KALRN: variants seen among roughly 807,000 people sequenced by gnomAD.
KALRN encodes kalirin.
KALRN carries 70 observed loss-of-function variants against 353.7 expected under a neutral mutation model. That is an observed-to-expected ratio of 0.20 (90% confidence interval 0.16 to 0.24). The LOEUF (loss-of-function observed/expected upper bound fraction) is 0.24. Ranked by LOEUF, KALRN falls within the 10% of genes least tolerant of loss-of-function variation. The pLI is 1.00. For missense variants in KALRN, 2,791 were observed against 3,756.7 expected (o/e 0.74, Z 6.72); for synonymous variants, 1,391 against 1,434.8 (o/e 0.97, Z 0.69).
chr3:124,163,808 C>T lies in KALRN; in HGVS notation c.74-64182C>T, dbSNP rs75838785. Reference sequence around the variant, plus strand: ...CCAAACTTCCCTGTATGTCATCTTGCTCCTGGGCCACCTGACTGATGTTTA... The same window carrying T: ...CCAAACTTCCCTGTATGTCATCTTGTTCCTGGGCCACCTGACTGATGTTTA... On this transcript the variant is annotated intron_variant, in intron 1 of 59. Coordinates refer to ENST00000682506, the MANE Select transcript of KALRN (RefSeq NM_001388419.1). The T allele has an allele frequency of 3.9e-4, 383 of 985,492 alleles. 2 individuals are homozygous for T. In the South Asian group the frequency reaches 0.012, roughly 32 times the overall value. The allele number at this position is 985,492 out of a possible 1,614,324, so 61.0% of individuals were successfully genotyped here. A position where few individuals can be genotyped will look rare whatever the true frequency, so the allele number is the denominator to read the frequency against.
chr3:124,565,442 G>A (rs1268870514), intron 34 of KALRN, among the ~76,000 whole-genome samples: 3 of 152,306 alleles, frequency 2.0e-5, no homozygotes, highest in East Asian at 3.9e-4. Flanking sequence ...TGAGGTAATG[G>A]AGACAAAACA....
intron 33 of KALRN, among the ~76,000 whole-genome samples, chr3:124,522,587 A>G (rs1327854740): frequency 6.6e-6 from 1 of 152,186 alleles, no homozygotes; most frequent in Non-Finnish European, 1.5e-5. Flanking sequence ...TTGAGTGTAC[A>G]TCAGAATTGC....
At chr3:124,152,758 T>G (rs1476382994) in intron 1 of KALRN, among the ~76,000 whole-genome samples, 1 of 151,806 alleles carries the variant, frequency 6.6e-6, no homozygotes, top group Non-Finnish European at 1.5e-5. Flanking sequence ...TGTGGCTGGC[T>G]AATTTTTGTA....
intron 1 of KALRN, among the ~76,000 whole-genome samples, chr3:124,194,433 G>C (rs897396871): frequency 6.6e-6 from 1 of 151,916 alleles, no homozygotes; most frequent in Non-Finnish European, 1.5e-5. Context: ...GACAAGTTAC[G>C]AGCCTCCCGA....
rs77091366 is a variant in KALRN, at chr3:124,257,716, C to A, written c.264-6782C>A. Among the ~76,000 whole-genome samples the A allele has an allele frequency of 2.0e-5, 3 of 152,274 alleles. No homozygotes were observed. In the East Asian group the frequency reaches 5.8e-4, roughly 29 times the overall value. ...ATGGGAAACTATAGGGCAGGGTGAGCACAGGGGAGACAGGGCAGTGGCTGC... is the reference window on the plus strand; with the variant it reads ...ATGGGAAACTATAGGGCAGGGTGAGAACAGGGGAGACAGGGCAGTGGCTGC... On this transcript the variant is annotated intron_variant, in intron 3 of 59. Transcript: ENST00000682506.
chr3:124,106,231 T>C (rs892636768), intron 1 of KALRN, among the ~76,000 whole-genome samples: 2 of 151,958 alleles, frequency 1.3e-5, no homozygotes, highest in Admixed American at 6.6e-5. Context: ...GCTTAGAAAA[T>C]GATTTTTAAG....
chr3:124,264,012 C>G (rs1404923104), intron 3 of KALRN, among the ~76,000 whole-genome samples: 1 of 151,602 alleles, frequency 6.6e-6, no homozygotes, highest in Non-Finnish European at 1.5e-5. Context: ...GGTTGGGTAG[C>G]TCCTATCCAA....
chr3:124,368,814 C>G (rs1224512683), intron 10 of KALRN, among the ~76,000 whole-genome samples: 2 of 152,150 alleles, frequency 1.3e-5, no homozygotes, highest in Non-Finnish European at 2.9e-5. Flanking sequence ...AATCCCGGCA[C>G]CTCGGGAGGC....
chr3:124,342,705 T>C (rs1056766469), intron 9 of KALRN, among the ~76,000 whole-genome samples: 1 of 152,338 alleles, frequency 6.6e-6, no homozygotes, highest in Non-Finnish European at 1.5e-5. Flanking sequence ...GGCACATCTT[T>C]CCCAGAATCT....
chr3:124,481,605 G>C (rs1351410515), intron 27 of KALRN, among the ~76,000 whole-genome samples: 1 of 152,146 alleles, frequency 6.6e-6, no homozygotes, highest in Non-Finnish European at 1.5e-5. Context: ...ACCCAACCTT[G>C]CATATCTAAC....
intron 1 of KALRN, among the ~76,000 whole-genome samples, chr3:124,123,980 A>T (rs1578316033): frequency 6.6e-6 from 1 of 152,252 alleles, no homozygotes. Flanking sequence ...TGTTGCTTTC[A>T]TGCCTGCTAA....
chr3:124,456,290 T>G (rs544223917), intron 22 of KALRN, among the ~76,000 whole-genome samples: 1 of 152,344 alleles, frequency 6.6e-6, no homozygotes, highest in African/African-American at 2.4e-5. Context: ...CTTAGACTAA[T>G]TTACGGGTGT....
chr3:124,615,542 G>A (rs1044316059), intron 34 of KALRN, among the ~76,000 whole-genome samples: 1 of 152,190 alleles, frequency 6.6e-6, no homozygotes, highest in Non-Finnish European at 1.5e-5. Context: ...AGAGAAAGAT[G>A]AAAAAGCTAA....
At chr3:124,050,306 A>G (rs2040906063) in intron 1 of KALRN, among the ~76,000 whole-genome samples, 1 of 152,226 alleles carries the variant, frequency 6.6e-6, no homozygotes, top group Non-Finnish European at 1.5e-5. Context: ...TCACTGAATG[A>G]GTACCATCAG....
At chr3:124,103,604 T>C (rs1460320128) in intron 1 of KALRN, among the ~76,000 whole-genome samples, 1 of 151,962 alleles carries the variant, frequency 6.6e-6, no homozygotes, top group Non-Finnish European at 1.5e-5. Flanking sequence ...GTGATTAGGG[T>C]TAGGTGTAAG....
At chr3:124,230,872 C>CAA (rs35463459) in intron 2 of KALRN, among the ~76,000 whole-genome samples, 187 of 129,026 alleles carry the variant, frequency 1.4e-3, no homozygotes, top group Middle Eastern at 4.2e-3. Flanking sequence ...AAAAAAAAAA[C>CAA]AAAAAAAAAA....
chr3:124,292,555 G>T (rs974462029), intron 5 of KALRN, among the ~76,000 whole-genome samples: 1 of 152,096 alleles, frequency 6.6e-6, no homozygotes, highest in Non-Finnish European at 1.5e-5. Flanking sequence ...CCCTGAGAGG[G>T]TGTCTGGGTC....
chr3:124,626,309 A>G (rs917516457), intron 34 of KALRN, among the ~76,000 whole-genome samples: 1 of 152,218 alleles, frequency 6.6e-6, no homozygotes, highest in African/African-American at 2.4e-5. Context: ...GATGAGGGCA[A>G]TTAGAGAGTA....
chr3:124,637,443 C>A, intron 37 of KALRN, 140 bp downstream of exon 37: 1 of 692,718 alleles, frequency 1.4e-6, no homozygotes. Flanking sequence ...TTCTAAAAAG[C>A]TGTACCCCAG....
Sources: allele counts gnomAD v4.1 joint callset (sites outside exome capture counted in the v4.1 genomes callset), GRCh38; gene constraint gnomAD v4.1.1; transcripts MANE v1.5; gene names NCBI Gene and HGNC (gene_info 2026-07-23, HGNC 2026-07-21).